LRRC3B: variants seen among roughly 807,000 people sequenced by gnomAD.
LRRC3B encodes the protein leucine rich repeat containing 3B, also known as leucine-rich repeat-containing protein 3B.
LRRC3B carries 2 observed loss-of-function variants against 12.8 expected under a neutral mutation model. The ratio of observed to expected loss-of-function variants is 0.16; its 90% CI spans 0.06 to 0.49. The LOEUF is 0.49. Ranked by LOEUF, LRRC3B falls within the 20% of genes least tolerant of loss-of-function variation. The pLI is 0.96. For missense variants in LRRC3B, 189 were observed against 319.4 expected (o/e 0.59, Z 3.11); for synonymous variants, 132 against 122.0 (o/e 1.08, Z -0.54).
intron 1 of LRRC3B, among the ~76,000 whole-genome samples, chr3:26,690,764 A>T (rs1301475543): frequency 3.3e-5 from 5 of 152,056 alleles, no homozygotes. Flanking sequence ...TAAACTATTC[A>T]TGTGATAACA....
intron 1 of LRRC3B, among the ~76,000 whole-genome samples, chr3:26,666,561 A>C (rs941857462): frequency 1.3e-5 from 2 of 152,108 alleles, no homozygotes; most frequent in African/African-American, 4.8e-5. Context: ...TGAAATTAGA[A>C]ATTTAGAATA....
intron 1 of LRRC3B, among the ~76,000 whole-genome samples, chr3:26,646,358 T>C (rs193086827): frequency 1.8e-3 from 281 of 152,244 alleles, no homozygotes; most frequent in African/African-American, 6.6e-3. Flanking sequence ...AGAGAGAGTA[T>C]TCAAACTTGC....
chr3:26,648,470 A>G (rs1699198931), intron 1 of LRRC3B, among the ~76,000 whole-genome samples: 1 of 152,104 alleles, frequency 6.6e-6, no homozygotes, highest in South Asian at 2.1e-4. Context: ...TTAAATCTCC[A>G]GTTTTCAAGA....
intron 1 of LRRC3B, among the ~76,000 whole-genome samples, chr3:26,652,370 C>T (rs1255455731): frequency 6.6e-6 from 1 of 152,196 alleles, no homozygotes; most frequent in Non-Finnish European, 1.5e-5. Flanking sequence ...CCTGTTCCTG[C>T]CAGCATATGC....
chr3:26,673,300 C>T (rs1699791280), intron 1 of LRRC3B, among the ~76,000 whole-genome samples: 1 of 151,958 alleles, frequency 6.6e-6, no homozygotes, highest in Non-Finnish European at 1.5e-5. Context: ...TTTCAAACAA[C>T]AATACTGATT....
intron 1 of LRRC3B, among the ~76,000 whole-genome samples, chr3:26,661,592 C>A (rs1456578508): frequency 6.6e-6 from 1 of 152,124 alleles, no homozygotes; most frequent in Non-Finnish European, 1.5e-5. Flanking sequence ...TACATAACAT[C>A]ACATCAAATG....
At chr3:26,655,757 G>A (rs943791878) in intron 1 of LRRC3B, among the ~76,000 whole-genome samples, 22 of 152,120 alleles carry the variant, frequency 1.4e-4, no homozygotes, top group African/African-American at 5.1e-4. Context: ...GAAATGCTCA[G>A]TAGTACATTA....
chr3:26,686,946 T>C (rs1158049786), intron 1 of LRRC3B, among the ~76,000 whole-genome samples: 1 of 152,178 alleles, frequency 6.6e-6, no homozygotes, highest in Non-Finnish European at 1.5e-5. Flanking sequence ...GGGCTGTTTC[T>C]GGAAGGCAAA....
At chr3:26,662,637 C>G (rs935293848) in intron 1 of LRRC3B, among the ~76,000 whole-genome samples, 1 of 152,054 alleles carries the variant, frequency 6.6e-6, no homozygotes, top group African/African-American at 2.4e-5. Flanking sequence ...TAACATTACC[C>G]TTGTTTTATT....
rs75546554 is a variant in LRRC3B at position 26,675,775 on chromosome 3, G to C, written c.-160-33738G>C. 2.8e-3 allele frequency among the ~76,000 whole-genome samples: 432 copies of C among 152,214 alleles called. 9 individuals are homozygous for C. In the East Asian group the frequency reaches 0.066, roughly 23 times the overall value. ...AAAATATACAGTGTTTTTAAAAATAGGTTGATATGAAACGCCTTAATTGTT... is the reference window on the plus strand; with the variant it reads ...AAAATATACAGTGTTTTTAAAAATACGTTGATATGAAACGCCTTAATTGTT... On this transcript the variant is annotated intron_variant, in intron 1 of 1. Coordinates refer to ENST00000396641, the Ensembl canonical transcript of LRRC3B.
At chr3:26,666,944 G>A (rs946496740) in intron 1 of LRRC3B, among the ~76,000 whole-genome samples, 1 of 152,096 alleles carries the variant, frequency 6.6e-6, no homozygotes, top group East Asian at 1.9e-4. Context: ...TTCATCAAAT[G>A]TAGGGATTTT....
chr3:26,638,707 C>G (rs1002921537), intron 1 of LRRC3B, among the ~76,000 whole-genome samples: 1 of 152,174 alleles, frequency 6.6e-6, no homozygotes, highest in Non-Finnish European at 1.5e-5. Flanking sequence ...GATGCTGTTG[C>G]CTTTATTCAA....
intron 1 of LRRC3B, among the ~76,000 whole-genome samples, chr3:26,696,185 T>C (rs1700312430): frequency 6.6e-6 from 1 of 152,196 alleles, no homozygotes; most frequent in South Asian, 2.1e-4. Context: ...GTCATGACAA[T>C]TTACAACCCT....
chr3:26,628,102 G>C (rs968167965), intron 1 of LRRC3B, among the ~76,000 whole-genome samples: 3 of 152,114 alleles, frequency 2.0e-5, no homozygotes, highest in Non-Finnish European at 4.4e-5. Flanking sequence ...AATATCAAAA[G>C]TCCCACATGA....
intron 1 of LRRC3B, among the ~76,000 whole-genome samples, chr3:26,678,548 G>A (rs1699909279): frequency 6.6e-6 from 1 of 151,752 alleles, no homozygotes; most frequent in African/African-American, 2.4e-5. Context: ...GATGCCTGAA[G>A]AATCAGATTC....
chr3:26,673,469 G>C (rs1021569065), intron 1 of LRRC3B, among the ~76,000 whole-genome samples: 2 of 152,214 alleles, frequency 1.3e-5, no homozygotes, highest in African/African-American at 4.8e-5. Context: ...TTGTTCAACT[G>C]CTTGGGGAGG....
chr3:26,671,350 GTATATATATATA>G (rs1161960755), intron 1 of LRRC3B, among the ~76,000 whole-genome samples: 3 of 56,754 alleles, frequency 5.3e-5, no homozygotes, highest in Non-Finnish European at 3.0e-5. Context: ...ATATATGTGT[GTATATATATATA>G]TATATATATA....
intron 1 of LRRC3B, among the ~76,000 whole-genome samples, chr3:26,635,217 T>C (rs768072945): frequency 6.6e-6 from 1 of 152,150 alleles, no homozygotes; most frequent in Admixed American, 6.5e-5. Context: ...TGCCAGTTTC[T>C]GGAGCCCTAT....
At chr3:26,673,174 G>A (rs1355271839) in intron 1 of LRRC3B, among the ~76,000 whole-genome samples, 1 of 151,992 alleles carries the variant, frequency 6.6e-6, no homozygotes, top group Non-Finnish European at 1.5e-5. Flanking sequence ...AAATCAAAGT[G>A]GTCATAGGTT....
Sources: gnomAD v4.1 joint callset for allele counts (sites outside exome capture counted in the v4.1 genomes callset) on GRCh38, gnomAD v4.1.1 for gene constraint, MANE v1.5 for transcripts, NCBI Gene and HGNC (gene_info 2026-07-23, HGNC 2026-07-21) for gene names.